The following ADAM19 variants were observed in gnomAD, a reference collection of about 807,000 sequenced individuals.
The protein encoded by ADAM19 is ADAM metallopeptidase domain 19.
In ADAM19, 65 loss-of-function variants were observed where a neutral mutation model predicts 114.7. The ratio of observed to expected loss-of-function variants is 0.57; its 90% CI spans 0.46 to 0.70. The LOEUF is 0.70. Ranked by LOEUF, ADAM19 falls within the 30% of genes least tolerant of loss-of-function variation. The pLI is 0.00. For missense variants in ADAM19, 1,063 were observed against 1,204.7 expected (o/e 0.88, Z 1.74); for synonymous variants, 466 against 460.5 (o/e 1.01, Z -0.15).
At chr5:157,540,403 T>C (rs1052037322) in intron 3 of ADAM19, among the ~76,000 whole-genome samples, 2 of 152,174 alleles carry the variant, frequency 1.3e-5, no homozygotes, top group Non-Finnish European at 2.9e-5. Flanking sequence ...GTGTGAATTT[T>C]CCCACAGAAA....
intron 3 of ADAM19, among the ~76,000 whole-genome samples, chr5:157,548,476 C>T (rs180673229): frequency 4.4e-4 from 67 of 152,288 alleles, no homozygotes; most frequent in Admixed American, 4.1e-3. Flanking sequence ...TAGTCCAGAA[C>T]TCAAGCCCAG....
At chr5:157,486,352 C>T (rs761867009) in intron 21 of ADAM19, among the ~76,000 whole-genome samples, 14 of 152,168 alleles carry the variant, frequency 9.2e-5, no homozygotes, top group Non-Finnish European at 2.1e-4. Flanking sequence ...GCAGCTGCCT[C>T]CCACTGTTCG....
At chr5:157,506,500 G>A (rs948402634) in intron 10 of ADAM19, among the ~76,000 whole-genome samples, 2 of 152,240 alleles carry the variant, frequency 1.3e-5, no homozygotes, top group African/African-American at 4.8e-5. Flanking sequence ...CCTAGAGCCT[G>A]TGGTTTTGGC....
At chr5:157,551,411 C>CAAAAAAAA (rs1307546089) in intron 3 of ADAM19, among the ~76,000 whole-genome samples, 1 of 73,488 alleles carries the variant, frequency 1.4e-5, no homozygotes. Context: ...CCCCCCAACC[C>CAAAAAAAA]CAAAAAAAAA....
At chr5:157,564,594 C>A in intron 2 of ADAM19, 151 bp from the exon 3 acceptor site, 1 of 706,432 alleles carries the variant, frequency 1.4e-6, no homozygotes, top group South Asian at 1.6e-5. Flanking sequence ...TGTAAAATGA[C>A]CTCAATCCCA....
chr5:157,508,259 G>T (rs940704425), intron 9 of ADAM19, among the ~76,000 whole-genome samples: 2 of 152,200 alleles, frequency 1.3e-5, no homozygotes, highest in Non-Finnish European at 1.5e-5. Flanking sequence ...TCTTTAAAAG[G>T]ATAAGCCAAA....
chr5:157,504,575 C>G (rs1251129580), intron 11 of ADAM19, among the ~76,000 whole-genome samples: 2 of 152,038 alleles, frequency 1.3e-5, no homozygotes, highest in African/African-American at 4.8e-5. Flanking sequence ...CATGTCACAG[C>G]TGAGAAATAA....
Position 157,570,981 on chromosome 5 carries a change from C to T in ADAM19, c.95-1G>A, listed in dbSNP as rs1757804708. 5 of 1,613,884 alleles carry T rather than the reference C, an allele frequency of 3.1e-6. No individual in the cohort carries two copies. The highest frequency in any genetic ancestry group is 3.4e-6 in the Non-Finnish European group (4 of 1,179,854). On this transcript the variant is annotated splice_acceptor_variant, in intron 1 of 22. Transcript: ENST00000257527. LOFTEE classifies it high-confidence loss of function. ...TTGGGGCTGCCTTCCTCACTTCCTC[C>T]TGCCAATACAAGATGCAAAACCATT...
chr5:157,512,372 G>T (rs968718050), intron 8 of ADAM19, among the ~76,000 whole-genome samples: 7 of 152,200 alleles, frequency 4.6e-5, no homozygotes, highest in Non-Finnish European at 7.4e-5. Flanking sequence ...AGGAAAAAAT[G>T]ATTTTCCCTT....
chr5:157,496,567 T>C (rs1041282019), intron 14 of ADAM19, among the ~76,000 whole-genome samples: 2 of 152,230 alleles, frequency 1.3e-5, no homozygotes, highest in Admixed American at 6.5e-5. Flanking sequence ...AATTATACTT[T>C]GCTTTCCCTT....
chr5:157,539,993 C>T (rs1377246165), intron 3 of ADAM19, among the ~76,000 whole-genome samples: 1 of 152,194 alleles, frequency 6.6e-6, no homozygotes, highest in Non-Finnish European at 1.5e-5. Flanking sequence ...ACATTCACTG[C>T]CTCTACGGCC....
At chr5:157,517,694 T>G (rs562469057) in intron 7 of ADAM19, among the ~76,000 whole-genome samples, 100 of 152,316 alleles carry the variant, frequency 6.6e-4, no homozygotes, top group African/African-American at 2.3e-3. Context: ...TCTGTCTTCT[T>G]GAGATCTATA....
chr5:157,518,993 T>A, intron 6 of ADAM19, 105 bp from the exon 7 acceptor site: 1 of 946,414 alleles, frequency 1.1e-6, no homozygotes, highest in Non-Finnish European at 1.7e-6. Context: ...GCTACCTCCG[T>A]AATGATTTTG....
intron 2 of ADAM19, among the ~76,000 whole-genome samples, chr5:157,565,786 T>C (rs2113795706): frequency 6.6e-6 from 1 of 150,922 alleles, no homozygotes; most frequent in East Asian, 2.0e-4. Flanking sequence ...AGGCAAAGGT[T>C]TGCACATAAG....
chr5:157,520,758 G>A (rs539178703), intron 5 of ADAM19, among the ~76,000 whole-genome samples: 105 of 152,292 alleles, frequency 6.9e-4, no homozygotes, highest in Non-Finnish European at 7.2e-4. Flanking sequence ...ACGTCAGCAC[G>A]GTAGTTATTT....
At chr5:157,508,124 C>T (rs1030958478) in intron 9 of ADAM19, among the ~76,000 whole-genome samples, 1 of 152,212 alleles carries the variant, frequency 6.6e-6, no homozygotes, top group Non-Finnish European at 1.5e-5. Flanking sequence ...GATATGAAGT[C>T]CTACTAGTTA....
chr5:157,507,113 G>A lies in ADAM19; in HGVS notation c.933C>T (p.Ile311=), dbSNP rs550550364. 4.9e-5 allele frequency: 79 copies of A among 1,614,092 alleles called. 1 individual carries two copies. Among genetic ancestry groups the A allele is most frequent in the Admixed American group, 1.7e-4 (10 of 60,028 alleles). Residue 311 remains isoleucine (I), a synonymous_variant, in exon 10 of 23, where the codon ATC becomes ATT. Transcript: ENST00000257527. ...ACATGGCCATGAGGGGGGCCAGGCC[G>A]ATGGTGGTGCCGTGGAAGGACATGC... ...ITGMSFHGTT[I]GLAPLMAMCS...
chr5:157,511,176 T>A (rs1289140771), intron 8 of ADAM19, among the ~76,000 whole-genome samples: 1 of 152,186 alleles, frequency 6.6e-6, no homozygotes, highest in East Asian at 1.9e-4. Flanking sequence ...ACCCTACAAA[T>A]ACTGAGCCAG....
At chr5:157,502,577 G>A (rs933290761) in intron 12 of ADAM19, among the ~76,000 whole-genome samples, 1 of 152,212 alleles carries the variant, frequency 6.6e-6, no homozygotes, top group African/African-American at 2.4e-5. Context: ...ACACTCATAA[G>A]AAGAACTGAT....
Sources: allele counts gnomAD v4.1 joint callset (sites outside exome capture counted in the v4.1 genomes callset), GRCh38; gene constraint gnomAD v4.1.1; transcripts MANE v1.5; gene names NCBI Gene and HGNC (gene_info 2026-07-23, HGNC 2026-07-21).